KLHL32: variants seen among roughly 807,000 people sequenced by gnomAD.
The protein encoded by KLHL32 is kelch-like protein 32.
Under a neutral mutation model 64.8 loss-of-function variants are expected in KLHL32, and 35 were observed. The observed-to-expected ratio is 0.54, with a 90% CI of 0.41 to 0.72. KLHL32 has a LOEUF of 0.72. Ranked by LOEUF, KLHL32 falls within the 30% of genes least tolerant of loss-of-function variation. The probability of loss-of-function intolerance (pLI) is 0.00; values close to 1 mark genes in which losing one functional copy is unlikely to be tolerated. For missense variants in KLHL32, 589 were observed against 768.5 expected, an observed-to-expected ratio of 0.77 and a Z score of 2.76; for synonymous variants, 259 against 281.0, an observed-to-expected ratio of 0.92 and a Z score of 0.78.
intron 10 of KLHL32, among the ~76,000 whole-genome samples, chr6:97,135,081 A>T (rs1799843596): frequency 6.6e-6 from 1 of 152,038 alleles, no homozygotes; most frequent in Non-Finnish European, 1.5e-5. Context: ...GGATTCAATT[A>T]TTTTTTTAAG....
At chr6:96,915,379 A>G in the KLHL32 span, among the ~76,000 whole-genome samples, 1 of 152,192 alleles carries the variant, frequency 6.6e-6, no homozygotes, top group East Asian at 1.9e-4. Context: ...GCTATTGCAG[A>G]TCTCACAACC....
chr6:96,943,385 T>TAA (rs72275621), intron 1 of KLHL32, among the ~76,000 whole-genome samples: 3 of 140,008 alleles, frequency 2.1e-5, no homozygotes, highest in African/African-American at 2.7e-5. Context: ...CAAGAAGAAG[T>TAA]AAAAAAAAAA....
chr6:97,008,120 T>C (rs999935068), intron 3 of KLHL32, among the ~76,000 whole-genome samples: 3 of 152,160 alleles, frequency 2.0e-5, no homozygotes, highest in African/African-American at 7.2e-5. Context: ...TAACAGGTTG[T>C]CTGGCATTTG....
At chr6:97,009,155 A>G (rs954216027) in intron 3 of KLHL32, among the ~76,000 whole-genome samples, 6 of 151,256 alleles carry the variant, frequency 4.0e-5, no homozygotes, top group African/African-American at 1.5e-4. Flanking sequence ...CAAGGGTCTG[A>G]AACATACTAG....
chr6:97,085,075 T>C, intron 5 of KLHL32, 51 bp from the exon 6 acceptor site: 1 of 1,528,566 alleles, frequency 6.5e-7, no homozygotes, highest in East Asian at 2.3e-5. Context: ...CTGCTCTTTC[T>C]CGGATTTATT....
chr6:96,932,288 A>G (rs1770006184), intron 1 of KLHL32, among the ~76,000 whole-genome samples: 1 of 150,076 alleles, frequency 6.7e-6, no homozygotes, highest in Non-Finnish European at 1.5e-5. Flanking sequence ...TTAATTACCT[A>G]CAATCTGATT....
At chr6:96,919,087 A>G in the KLHL32 span, among the ~76,000 whole-genome samples, 925 of 152,232 alleles carry the variant, frequency 6.1e-3, 8 homozygotes, top group African/African-American at 0.02. Context: ...GACTTGACCA[A>G]TTAGATTCTC....
intron 4 of KLHL32, among the ~76,000 whole-genome samples, chr6:97,062,659 A>T (rs941908335): frequency 6.6e-6 from 1 of 152,242 alleles, no homozygotes; most frequent in South Asian, 2.1e-4. Flanking sequence ...ATTTTAATTA[A>T]GTAACTTCAT....
intron 1 of KLHL32, among the ~76,000 whole-genome samples, chr6:96,930,025 C>G (rs1417228176): frequency 1.3e-5 from 2 of 152,152 alleles, no homozygotes. Flanking sequence ...ACTTTCCATG[C>G]CAGATAAGCC....
At chr6:96,920,877 G>A (rs1458309335), upstream of KLHL32, among the ~76,000 whole-genome samples, 1 of 151,898 alleles carries the variant, frequency 6.6e-6, no homozygotes, top group Admixed American at 6.6e-5. Context: ...TTGAACTTTT[G>A]TTTGAGGTAA....
At chr6:97,110,778 G>C (rs1370055965) in intron 6 of KLHL32, among the ~76,000 whole-genome samples, 3 of 152,334 alleles carry the variant, frequency 2.0e-5, no homozygotes, top group African/African-American at 4.8e-5. Flanking sequence ...ACCGGAGCAC[G>C]GGCAATGGAG....
the KLHL32 span, among the ~76,000 whole-genome samples, chr6:96,911,747 T>TCAG: frequency 6.6e-6 from 1 of 151,390 alleles, no homozygotes; most frequent in Non-Finnish European, 1.5e-5. Flanking sequence ...TACTTATTAC[T>TCAG]CAGCAGTATT....
intron 5 of KLHL32, among the ~76,000 whole-genome samples, chr6:97,077,367 A>C (rs1791763069): frequency 6.6e-6 from 1 of 152,222 alleles, no homozygotes; most frequent in African/African-American, 2.4e-5. Context: ...AAGGAAAATT[A>C]ATGTGAATTC....
chr6:97,110,548 C>G (rs1392874219), intron 6 of KLHL32, among the ~76,000 whole-genome samples: 3 of 152,194 alleles, frequency 2.0e-5, no homozygotes, highest in African/African-American at 7.2e-5. Flanking sequence ...TTTAGTGATT[C>G]TTTTCACCGG....
At chr6:96,998,307 C>A (rs1198257245) in intron 3 of KLHL32, among the ~76,000 whole-genome samples, 1 of 152,156 alleles carries the variant, frequency 6.6e-6, no homozygotes, top group African/African-American at 2.4e-5. Context: ...TCCCTGGGCT[C>A]GATGCTGTAA....
At chr6:97,087,006 TGA>T (rs1275414359) in intron 6 of KLHL32, among the ~76,000 whole-genome samples, 2 of 152,234 alleles carry the variant, frequency 1.3e-5, no homozygotes, top group Non-Finnish European at 2.9e-5. Context: ...TGCAGATGGC[TGA>T]GTGTCAAGAA....
chr6:96,950,572 G>A (rs1214121750), intron 1 of KLHL32, among the ~76,000 whole-genome samples: 5 of 151,970 alleles, frequency 3.3e-5, no homozygotes, highest in African/African-American at 1.2e-4. Flanking sequence ...CATTCCTGGT[G>A]TATGGTAAGT....
chr6:97,038,815 G>A (rs995626286), intron 3 of KLHL32, among the ~76,000 whole-genome samples: 5 of 152,034 alleles, frequency 3.3e-5, no homozygotes, highest in African/African-American at 4.8e-5. Flanking sequence ...GGGTGCAGTA[G>A]CTCACACCTG....
chr6:97,080,531 G>A (rs1443588462), intron 5 of KLHL32, among the ~76,000 whole-genome samples: 1 of 152,228 alleles, frequency 6.6e-6, no homozygotes, highest in Non-Finnish European at 1.5e-5. Context: ...CAGTTAAAGG[G>A]TGCTTGCAGT....
Sources: allele counts gnomAD v4.1 joint callset (sites outside exome capture counted in the v4.1 genomes callset), GRCh38; gene constraint gnomAD v4.1.1; transcripts MANE v1.5; gene names NCBI Gene and HGNC (gene_info 2026-07-23, HGNC 2026-07-21).